The following DENND5B variants were observed in gnomAD, a reference collection of about 807,000 sequenced individuals.
DENND5B encodes the protein DENN domain-containing protein 5B.
In DENND5B, 34 loss-of-function variants were observed where a neutral mutation model predicts 140.6. The ratio of observed to expected loss-of-function variants is 0.24; its 90% confidence interval spans 0.18 to 0.32. The LOEUF is 0.32. DENND5B is among the 10% of genes least tolerant of loss of function. The pLI, the probability that DENND5B is intolerant of heterozygous loss-of-function variation, is 1.00. For synonymous variants in DENND5B, 551 were observed against 562.1 expected (o/e 0.98, Z 0.28); for missense variants, 1,142 against 1,560.2 (o/e 0.73, Z 4.52).
At chr12:31,458,293 A>G (rs773869347) in intron 4 of DENND5B, among the ~76,000 whole-genome samples, 4 of 151,802 alleles carry the variant, frequency 2.6e-5, no homozygotes, top group Non-Finnish European at 4.4e-5. Context: ...CAACATACAT[A>G]TAAATTATCT....
chr12:31,575,887 A>G (rs1949996259), intron 1 of DENND5B, among the ~76,000 whole-genome samples: 1 of 152,090 alleles, frequency 6.6e-6, no homozygotes, highest in Non-Finnish European at 1.5e-5. Flanking sequence ...AATTACTTGA[A>G]CACGGGAGGC....
chr12:31,578,403 T>G (rs1430661983), intron 1 of DENND5B, among the ~76,000 whole-genome samples: 2 of 152,188 alleles, frequency 1.3e-5, no homozygotes. Flanking sequence ...ACTGACTACT[T>G]CTGCAGTGAT....
intron 1 of DENND5B, among the ~76,000 whole-genome samples, chr12:31,580,911 C>T (rs1311671364): frequency 6.6e-6 from 1 of 152,004 alleles, no homozygotes; most frequent in East Asian, 1.9e-4. Flanking sequence ...TTCAAGACCA[C>T]CCTGGGCAAC....
At chr12:31,574,267 A>T (rs867546319) in intron 1 of DENND5B, among the ~76,000 whole-genome samples, 7 of 89,716 alleles carry the variant, frequency 7.8e-5, no homozygotes, top group East Asian at 4.1e-4. Context: ...TGTCTCTAAA[A>T]AATAATAATA....
chr12:31,465,039 CT>C (rs1945195280), intron 3 of DENND5B: 1 of 152,168 alleles, frequency 6.6e-6, no homozygotes, highest in African/African-American at 2.4e-5. Flanking sequence ...TAAAAACATA[CT>C]GTCAAAAATG....
intron 1 of DENND5B, among the ~76,000 whole-genome samples, chr12:31,558,060 A>AT (rs978809424): frequency 6.6e-6 from 1 of 152,134 alleles, no homozygotes; most frequent in African/African-American, 2.4e-5. Flanking sequence ...TAGAAAAAAA[A>AT]GTCTAAAAAC....
At chr12:31,471,937 C>T (rs2138425082) in intron 3 of DENND5B, among the ~76,000 whole-genome samples, 1 of 152,228 alleles carries the variant, frequency 6.6e-6, no homozygotes, top group South Asian at 2.1e-4. Flanking sequence ...CTGCCCAATT[C>T]CCCCTATAAA....
chr12:31,496,998 T>C (rs1342179484), intron 1 of DENND5B, among the ~76,000 whole-genome samples: 3 of 152,040 alleles, frequency 2.0e-5, no homozygotes. Context: ...AAAAGATAAA[T>C]GTCACTTTAC....
Position 31,409,501 on chromosome 12 carries a change from A to T in DENND5B, c.2682-117T>A, listed in dbSNP as rs1301049739. ...TTTTTTTTTTTTTTTTTTTTTAAAC[A>T]GAGTTTCTCTCTTGTTGCCCAGGCT... On this transcript the variant is annotated intron_variant, in intron 13 of 20. Coordinates refer to ENST00000389082, the MANE Select transcript of DENND5B (RefSeq NM_144973.4). 1.1e-5 allele frequency: 12 copies of T among 1,067,896 alleles called. No individual in the cohort carries two copies. The East Asian group carries it at 2.7e-4, about 24-fold the overall frequency. 66.2% of individuals were successfully genotyped at this position (1,067,896 alleles called of 1,614,324 possible).
chr12:31,414,644 C>T (rs1942626222), intron 12 of DENND5B, among the ~76,000 whole-genome samples: 1 of 151,684 alleles, frequency 6.6e-6, no homozygotes, highest in Non-Finnish European at 1.5e-5. Flanking sequence ...ATTTAAGACC[C>T]CATCTCGGCC....
intron 7 of DENND5B, among the ~76,000 whole-genome samples, chr12:31,442,014 T>C (rs966598844): frequency 6.6e-6 from 1 of 152,240 alleles, no homozygotes; most frequent in Non-Finnish European, 1.5e-5. Flanking sequence ...TTGGTGTTCC[T>C]TTTCTAAATA....
chr12:31,581,757 C>T (rs1427979009), intron 1 of DENND5B, among the ~76,000 whole-genome samples: 1 of 150,814 alleles, frequency 6.6e-6, no homozygotes, highest in African/African-American at 2.4e-5. Flanking sequence ...TTGATTTTCT[C>T]CCTTTCCTGG....
At chr12:31,449,225 G>A (rs1271444135) in intron 5 of DENND5B, among the ~76,000 whole-genome samples, 1 of 152,126 alleles carries the variant, frequency 6.6e-6, no homozygotes, top group Non-Finnish European at 1.5e-5. Flanking sequence ...TCAGCTTCTT[G>A]CTAGCATATT....
intron 5 of DENND5B, among the ~76,000 whole-genome samples, chr12:31,450,629 A>G (rs1458599246): frequency 6.6e-6 from 1 of 152,146 alleles, no homozygotes; most frequent in Admixed American, 6.6e-5. Context: ...TGTTGGGATT[A>G]CAAGTGTGAG....
In DENND5B at chr12:31,532,431, A is replaced by G. The variant is rs150290603; in HGVS notation, c.128-36512T>C. Among the ~76,000 whole-genome samples the G allele has an allele frequency of 4.8e-3, 727 of 152,282 alleles. 9 individuals carry two copies. The highest frequency in any genetic ancestry group is 0.031 in the Middle Eastern group (9 of 292). On this transcript the variant is annotated intron_variant, in intron 1 of 20. Transcript: ENST00000389082. ...ACCTCAATATAACAGCAATGGAAAA[A>G]TCACTGAGGTGGCTTTAAGTGGTGT...
chr12:31,514,699 C>T (rs1947555982), intron 1 of DENND5B, among the ~76,000 whole-genome samples: 2 of 152,134 alleles, frequency 1.3e-5, no homozygotes, highest in South Asian at 4.2e-4. Context: ...TGCCTGTAAT[C>T]CCAGCTACTC....
At chr12:31,459,910 T>C (rs527633806) in intron 4 of DENND5B, among the ~76,000 whole-genome samples, 64 of 152,290 alleles carry the variant, frequency 4.2e-4, no homozygotes, top group South Asian at 8.3e-4. Flanking sequence ...AAAAATATGT[T>C]ACTAGAATAA....
At chr12:31,503,273 A>G (rs1207186448) in intron 1 of DENND5B, among the ~76,000 whole-genome samples, 2 of 152,186 alleles carry the variant, frequency 1.3e-5, no homozygotes, top group East Asian at 1.9e-4. Context: ...ACAATTGACA[A>G]TGAAGGCTGG....
chr12:31,556,163 T>C (rs1397789427), intron 1 of DENND5B, among the ~76,000 whole-genome samples: 1 of 152,196 alleles, frequency 6.6e-6, no homozygotes, highest in Admixed American at 6.5e-5. Context: ...ATGGGAGCTG[T>C]AGACTGGAGC....
Sources: allele counts gnomAD v4.1 joint callset (sites outside exome capture counted in the v4.1 genomes callset), GRCh38; gene constraint gnomAD v4.1.1; transcripts MANE v1.5; gene names NCBI Gene and HGNC (gene_info 2026-07-23, HGNC 2026-07-21).